Variants in HS6ST2 observed in about 807,000 individuals in gnomAD.
HS6ST2 encodes the protein heparan-sulfate 6-O-sulfotransferase 2.
Under a neutral mutation model 33.0 loss-of-function variants are expected in HS6ST2, and 17 were observed. The ratio of observed to expected loss-of-function variants is 0.52; its 90% CI spans 0.35 to 0.77. The LOEUF (loss-of-function observed/expected upper bound fraction) is 0.77, where lower values mean the gene tolerates loss of function less well. HS6ST2 is among the 30% of genes least tolerant of loss of function. HS6ST2 has a pLI of 0.01. For synonymous variants in HS6ST2, 248 were observed against 237.1 expected (o/e 1.05, Z -0.42); for missense variants, 519 against 551.7 (o/e 0.94, Z 0.59).
chrX:132,839,360 T>C (rs2065686055), intron 2 of HS6ST2, among the ~76,000 whole-genome samples: 2 of 100,717 alleles, frequency 2.0e-5, no homozygotes, highest in South Asian at 9.8e-4. Context: ...TGGCATACTA[T>C]GCAACCATAA....
chrX:132,943,579 C>A (rs1350907384), intron 2 of HS6ST2, among the ~76,000 whole-genome samples: 4 of 111,284 alleles, frequency 3.6e-5, no homozygotes, highest in African/African-American at 1.3e-4. Context: ...AGACCAATAT[C>A]CATGATGAAC....
At chrX:132,886,877 G>A (rs2066258161) in intron 2 of HS6ST2, among the ~76,000 whole-genome samples, 1 of 111,610 alleles carries the variant, frequency 9.0e-6, no homozygotes, top group Admixed American at 9.5e-5. Flanking sequence ...GCTCACGCCT[G>A]TAATCCCAGC....
At chrX:132,819,362 GA>G (rs1404430531) in intron 2 of HS6ST2, among the ~76,000 whole-genome samples, 3 of 111,393 alleles carry the variant, frequency 2.7e-5, no homozygotes, top group Non-Finnish European at 5.6e-5. Context: ...GTTGTTAAAT[GA>G]AAACTTGCAA....
chrX:132,931,914 A>T (rs58479760), intron 2 of HS6ST2, among the ~76,000 whole-genome samples: 7 of 109,150 alleles, frequency 6.4e-5, no homozygotes, highest in Non-Finnish European at 1.1e-4. Flanking sequence ...AGGCCAGGCG[A>T]GGTGGCTCAC....
At chrX:132,879,083 T>C (rs2066138426) in intron 2 of HS6ST2, among the ~76,000 whole-genome samples, 1 of 111,921 alleles carries the variant, frequency 8.9e-6, no homozygotes, top group South Asian at 3.8e-4. Context: ...ATTACAAGCA[T>C]TTAAGGAATT....
intron 2 of HS6ST2, among the ~76,000 whole-genome samples, chrX:132,894,202 C>T (rs181539910): frequency 2.8e-5 from 3 of 106,833 alleles, no homozygotes; most frequent in Admixed American, 1.0e-4. Context: ...ATTGCAATGG[C>T]GCAATCTCAG....
At chrX:132,919,906 T>G (rs1247160919) in intron 2 of HS6ST2, among the ~76,000 whole-genome samples, 1 of 111,981 alleles carries the variant, frequency 8.9e-6, no homozygotes, top group Non-Finnish European at 1.9e-5. Flanking sequence ...CCAGCACTTC[T>G]CTCCAGAGAG....
At chrX:132,705,186 C>CGTGTGTGTGTGT (rs780815738) in intron 3 of HS6ST2, among the ~76,000 whole-genome samples, 2 of 81,337 alleles carry the variant, frequency 2.5e-5, no homozygotes, top group Non-Finnish European at 5.0e-5. Flanking sequence ...GATGTGGGCA[C>CGTGTGTGTGTGT]GCGTGTGTGT....
At chrX:132,654,067 T>C (rs1370440974) in intron 4 of HS6ST2, among the ~76,000 whole-genome samples, 2 of 111,419 alleles carry the variant, frequency 1.8e-5, no homozygotes, top group Non-Finnish European at 3.8e-5. Context: ...ATAGTGCCTA[T>C]GGCTAACAAT....
chrX:132,754,580 C>G (rs966119018), intron 2 of HS6ST2, among the ~76,000 whole-genome samples: 1 of 109,863 alleles, frequency 9.1e-6, no homozygotes, highest in African/African-American at 3.3e-5. Flanking sequence ...CCACGCCCAT[C>G]TAATTTTTTT....
chrX:132,816,607 G>A (rs1311130464), intron 2 of HS6ST2, among the ~76,000 whole-genome samples: 1 of 112,166 alleles, frequency 8.9e-6, no homozygotes, highest in Admixed American at 9.5e-5. Flanking sequence ...GTCTCCACTG[G>A]AGGGAAGTTT....
chrX:132,811,685 A>AT (rs2065345840), intron 2 of HS6ST2, among the ~76,000 whole-genome samples: 2 of 29,813 alleles, frequency 6.7e-5, no homozygotes, highest in Non-Finnish European at 1.1e-4. Flanking sequence ...AAGGCTGAAT[A>AT]ATATATATAT....
intron 3 of HS6ST2, among the ~76,000 whole-genome samples, chrX:132,689,514 C>G (rs949301818): frequency 3.6e-5 from 4 of 111,685 alleles, no homozygotes; most frequent in African/African-American, 1.3e-4. Flanking sequence ...AAAAAATTCC[C>G]CTTAATCTCA....
intron 2 of HS6ST2, among the ~76,000 whole-genome samples, chrX:132,932,397 T>C (rs1429782261): frequency 1.8e-5 from 2 of 111,605 alleles, no homozygotes; most frequent in African/African-American, 3.3e-5. Context: ...GTTATCCCAC[T>C]GTGACTCTGC....
chrX:132,750,347 G>GAAAAA (rs1156312851), intron 2 of HS6ST2, among the ~76,000 whole-genome samples: 6 of 56,363 alleles, frequency 1.1e-4, no homozygotes, highest in African/African-American at 1.2e-4. Flanking sequence ...TGCCCATCAA[G>GAAAAA]AAAAAAAAAA....
intron 3 of HS6ST2, among the ~76,000 whole-genome samples, chrX:132,670,593 T>C (rs1351653449): frequency 1.8e-5 from 2 of 110,898 alleles, no homozygotes; most frequent in East Asian, 2.8e-4. Context: ...AGGTCAGGAG[T>C]TCGAGACCAG....
intron 2 of HS6ST2, among the ~76,000 whole-genome samples, chrX:132,711,384 G>A (rs1029765079): frequency 9.0e-6 from 1 of 111,218 alleles, no homozygotes; most frequent in Non-Finnish European, 1.9e-5. Flanking sequence ...AACCCAGGAT[G>A]AGGTAAAAAT....
chrX:132,709,635 T>C (rs2064214178), intron 2 of HS6ST2, among the ~76,000 whole-genome samples: 2 of 110,732 alleles, frequency 1.8e-5, no homozygotes, highest in African/African-American at 6.6e-5. Context: ...ATTAGTGGAC[T>C]TACCATCCAG....
chrX:132,720,114 CTCT>C (rs1175923288), intron 2 of HS6ST2, among the ~76,000 whole-genome samples: 1 of 112,614 alleles, frequency 8.9e-6, no homozygotes, highest in Non-Finnish European at 1.9e-5. Flanking sequence ...GCCATGGTGT[CTCT>C]TCTTTCAGAA....
Sources: allele counts gnomAD v4.1 joint callset (sites outside exome capture counted in the v4.1 genomes callset), GRCh38; gene constraint gnomAD v4.1.1; transcripts MANE v1.5; gene names NCBI Gene and HGNC (gene_info 2026-07-23, HGNC 2026-07-21).